The following MPHOSPH9 variants were observed in gnomAD, a reference collection of about 807,000 sequenced individuals.
The protein encoded by MPHOSPH9 is M-phase phosphoprotein 9.
MPHOSPH9 carries 88 observed loss-of-function variants against 145.5 expected under a neutral mutation model. The ratio of observed to expected loss-of-function variants is 0.60; its 90% CI spans 0.51 to 0.72. The LOEUF (loss-of-function observed/expected upper bound fraction) is 0.72, where lower values mean the gene tolerates loss of function less well. Ranked by LOEUF, MPHOSPH9 falls within the 30% of genes least tolerant of loss-of-function variation. MPHOSPH9 has a pLI of 0.00. For synonymous variants in MPHOSPH9, 435 were observed against 486.2 expected, an observed-to-expected ratio of 0.89 and a Z score of 1.39; for missense variants, 1,238 against 1,386.6, an observed-to-expected ratio of 0.89 and a Z score of 1.70.
In MPHOSPH9 at chr12:123,221,417, A is replaced by G. The variant is rs141635957; in HGVS notation, c.827T>C (p.Leu276Pro). Residue 276 changes from leucine to proline, a missense_variant, in exon 5 of 24, where the codon CTT becomes CCT. Leu to Pro is a moderately conservative substitution (Grantham distance 98). Transcript: ENST00000606320. ...TACTTCAGAAACCTTATTTTCACCA[A>G]GAAAATTATGTTCAAATTCACCAGG... is the stretch of plus-strand genomic sequence containing the variant. Reference protein sequence around the residue: ...ISPGEFEHNFLGENKVSEVYS... With the variant: ...ISPGEFEHNFPGENKVSEVYS... 3 of 1,609,398 alleles carry G rather than the reference A, an allele frequency of 1.9e-6. No individual in the cohort carries two copies. Among genetic ancestry groups the G allele is most frequent in the East Asian group, 4.5e-5 (2 of 44,868 alleles).
chr12:123,212,367 GCAGA>G (rs2046765954), intron 7 of MPHOSPH9, among the ~76,000 whole-genome samples: 1 of 152,072 alleles, frequency 6.6e-6, no homozygotes, highest in South Asian at 2.1e-4. Context: ...GGACATTTGA[GCAGA>G]CAATCTCCCT....
At chr12:123,206,302 C>CAAACA (rs2046428357) in intron 8 of MPHOSPH9, among the ~76,000 whole-genome samples, 1 of 147,220 alleles carries the variant, frequency 6.8e-6, no homozygotes, top group African/African-American at 2.5e-5. Context: ...AACAAACAAA[C>CAAACA]AAAAAAAAAA....
chr12:123,201,141 A>C (rs2046203944), intron 11 of MPHOSPH9, among the ~76,000 whole-genome samples: 1 of 152,188 alleles, frequency 6.6e-6, no homozygotes, highest in Non-Finnish European at 1.5e-5. Context: ...AGCTGTAGAA[A>C]CATTCAATAA....
intron 7 of MPHOSPH9, among the ~76,000 whole-genome samples, chr12:123,211,491 T>C (rs2046715945): frequency 6.6e-6 from 1 of 151,652 alleles, no homozygotes; most frequent in Non-Finnish European, 1.5e-5. Context: ...AAGCTGGGAC[T>C]ACAGGCACAC....
intron 1 of MPHOSPH9, among the ~76,000 whole-genome samples, chr12:123,243,105 G>T (rs907709068): frequency 5.9e-5 from 9 of 152,148 alleles, no homozygotes; most frequent in African/African-American, 2.2e-4. Flanking sequence ...TAAGGTATTT[G>T]ATTTTATACA....
chr12:123,192,560 T>C lies in MPHOSPH9; in HGVS notation c.2241+1826A>G, dbSNP rs557912181. Among the ~76,000 whole-genome samples, 35 of 127,756 alleles carry C rather than the reference T, an allele frequency of 2.7e-4. No individual in the cohort carries two copies. In the Admixed American group the frequency reaches 3.3e-3, roughly 12 times the overall value. The allele number at this position is 127,756 out of a possible 152,430, so 83.8% of individuals were successfully genotyped here. A position where few individuals can be genotyped will look rare whatever the true frequency, so the allele number is the denominator to read the frequency against. On this transcript the variant is annotated intron_variant, in intron 13 of 23. Transcript: ENST00000606320. ...GAAGAATCACCTGAGCCCGCGGAGG[T>C]TGAGGCTTCAGTAAGCTGTGATCGC...
chr12:123,170,259 C>T (rs1001859797), intron 16 of MPHOSPH9, among the ~76,000 whole-genome samples: 1 of 152,102 alleles, frequency 6.6e-6, no homozygotes, highest in African/African-American at 2.4e-5. Flanking sequence ...TCTCCTGCCT[C>T]AGCCCTGTGA....
chr12:123,201,991 G>A (rs181300263), intron 11 of MPHOSPH9, among the ~76,000 whole-genome samples, 173 bp downstream of exon 11: 2 of 152,250 alleles, frequency 1.3e-5, no homozygotes, highest in Admixed American at 6.5e-5. Context: ...ATGGCTCCAC[G>A]TCAGTTATTA....
chr12:123,216,903 C>T (rs2046987000), intron 6 of MPHOSPH9, among the ~76,000 whole-genome samples: 2 of 151,482 alleles, frequency 1.3e-5, no homozygotes, highest in South Asian at 2.1e-4. Context: ...GCAGGAGAAT[C>T]GCTTGAACCC....
At chr12:123,194,067 G>A (rs60296110) in intron 13 of MPHOSPH9, among the ~76,000 whole-genome samples, 7,202 of 152,122 alleles carry the variant, frequency 0.047, 320 homozygotes, top group East Asian at 0.27. Flanking sequence ...TCAGGAGTTC[G>A]AGACCAGCCA....
At chr12:123,216,978 G>A (rs2046991014) in intron 6 of MPHOSPH9, among the ~76,000 whole-genome samples, 2 of 146,470 alleles carry the variant, frequency 1.4e-5, no homozygotes, top group East Asian at 2.1e-4. Flanking sequence ...AACAGAGCAA[G>A]ACTCCATGTC....
At chr12:123,203,122 C>A (rs375407079) in intron 9 of MPHOSPH9, 38 bp from the exon 10 acceptor site, 6 of 1,592,738 alleles carry the variant, frequency 3.8e-6, no homozygotes, top group South Asian at 1.2e-5. Flanking sequence ...ACCCTCAGAA[C>A]TCGGCTTTGT....
At chr12:123,241,326 G>C (rs2047933287) in intron 1 of MPHOSPH9, among the ~76,000 whole-genome samples, 2 of 151,528 alleles carry the variant, frequency 1.3e-5, no homozygotes, top group Admixed American at 1.3e-4. Context: ...TTATTTTACT[G>C]TTTTTTGTTG....
chr12:123,172,443 C>T (rs750487453), intron 16 of MPHOSPH9, among the ~76,000 whole-genome samples: 5 of 151,964 alleles, frequency 3.3e-5, no homozygotes, highest in Non-Finnish European at 7.4e-5. Context: ...AGCGATTCTC[C>T]TGCCTCAGCC....
At chr12:123,163,728 C>A in intron 19 of MPHOSPH9, 1 of 428,912 alleles carries the variant, frequency 2.3e-6, no homozygotes, top group East Asian at 3.6e-5. Context: ...AATAAAAAAT[C>A]TCACTTTAAT....
Position 123,219,324 on chromosome 12 carries a change from C to T in MPHOSPH9, c.873-825G>A, listed in dbSNP as rs370241725. Among the ~76,000 whole-genome samples the T allele has an allele frequency of 1.1e-4, 17 of 151,772 alleles. No individual in the cohort carries two copies. The East Asian group carries it at 1.5e-3, about 14-fold the overall frequency. On this transcript the variant is annotated intron_variant, in intron 5 of 23. Transcript: ENST00000606320. ...AAAAGACTAACAGTGACAGGCCTGG[C>T]GCAGTGGCTCACGCCTGTAATCCCA...
Position 123,161,388 on chromosome 12 carries a change from CAG to C in MPHOSPH9, c.3134-7_3134-6del. ...CTTTCTCAGAATAAGTTTTTTCTGTCAGAGAGGAGAGAAATTGCTTATATTTC... is the reference window on the plus strand; with the variant it reads ...CTTTCTCAGAATAAGTTTTTTCTGTCAGAGGAGAGAAATTGCTTATATTTC... On this transcript the variant is annotated splice_polypyrimidine_tract_variant and splice_region_variant and intron_variant, in intron 21 of 23. Transcript: ENST00000606320. 9 of 1,613,448 alleles carry C rather than the reference CAG, an allele frequency of 5.6e-6. No homozygotes were observed. The highest frequency in any genetic ancestry group is 7.6e-6 in the Non-Finnish European group (9 of 1,179,664).
intron 7 of MPHOSPH9, among the ~76,000 whole-genome samples, chr12:123,213,862 G>A (rs1310879801): frequency 6.6e-6 from 1 of 152,138 alleles, no homozygotes; most frequent in Non-Finnish European, 1.5e-5. Flanking sequence ...CTACTATGTT[G>A]AGAACAGACT....
chr12:123,212,711 CAAAAAAAAA>C (rs542748087), intron 7 of MPHOSPH9, among the ~76,000 whole-genome samples: 1 of 46,502 alleles, frequency 2.2e-5, no homozygotes, highest in East Asian at 1.1e-3. Flanking sequence ...AACTCTGTCT[CAAAAAAAAA>C]AAAAAAAAAA....
Sources: allele counts gnomAD v4.1 joint callset (sites outside exome capture counted in the v4.1 genomes callset), GRCh38; gene constraint gnomAD v4.1.1; transcripts MANE v1.5; gene names NCBI Gene and HGNC (gene_info 2026-07-23, HGNC 2026-07-21).